STARD9: variants seen among roughly 807,000 people sequenced by gnomAD.
STARD9 encodes StAR related lipid transfer domain containing 9.
Under a neutral mutation model 399.8 loss-of-function variants are expected in STARD9, and 346 were observed. That is an observed-to-expected ratio of 0.87 (90% confidence interval 0.79 to 0.95). STARD9 has a LOEUF of 0.95. STARD9 is among the 40% of genes least tolerant of loss of function. The pLI, the probability that STARD9 is intolerant of heterozygous loss-of-function variation, is 0.00. For synonymous variants in STARD9, 2,203 were observed against 2,143.5 expected (o/e 1.03, Z -0.77); for missense variants, 5,832 against 5,667.5 (o/e 1.03, Z -0.93).
chr15:42,690,186 A>G lies in STARD9; in HGVS notation c.8608A>G (p.Thr2870Ala). 6.5e-7 allele frequency: 1 copy of G among 1,537,802 alleles called. No homozygotes were observed. The highest frequency in any genetic ancestry group is 1.4e-5 in the African/African-American group (1 of 73,174). The change falls in exon 23 of 33, where the codon ACA becomes GCA. Residue 2870 changes from threonine to alanine, a missense_variant. Physicochemically the swap from Thr to Ala is moderately conservative, Grantham distance 58. This residue lies in a region of STARD9 where 5,828 missense variants were observed against 5,651.1 expected (regional missense o/e 1.03). Transcript: ENST00000290607. ...GACAAGGGTTGCACTGGAAGCTCCC[A>G]CACAGCAGTGTGTGCAGTGTAAGGA... ...ALTRVALEAP[T>A]QQCVQCKESV...
At chr15:42,718,231 G>T in intron 30 of STARD9, 52 bp downstream of exon 30, 1 of 1,492,764 alleles carries the variant, frequency 6.7e-7, no homozygotes, top group Non-Finnish European at 9.0e-7. Flanking sequence ...GGTGTGCCCA[G>T]TGGGGTCTTG....
chr15:42,711,215 C>G (rs2061213910), intron 26 of STARD9, among the ~76,000 whole-genome samples: 1 of 151,742 alleles, frequency 6.6e-6, no homozygotes, highest in South Asian at 2.1e-4. Flanking sequence ...TCTCGGCTCA[C>G]TGCAACCTCT....
At chr15:42,679,494 C>T (rs1226676577) in intron 20 of STARD9, among the ~76,000 whole-genome samples, 1 of 152,192 alleles carries the variant, frequency 6.6e-6, no homozygotes, top group Admixed American at 6.5e-5. Flanking sequence ...GACCTCATAG[C>T]CTTCTTCCCT....
chr15:42,650,516 C>G (rs2059739468), intron 7 of STARD9, among the ~76,000 whole-genome samples: 1 of 152,216 alleles, frequency 6.6e-6, no homozygotes, highest in Admixed American at 6.5e-5. Context: ...ATCTCCTCAT[C>G]ATGTATCATC....
intron 20 of STARD9, among the ~76,000 whole-genome samples, chr15:42,677,557 A>G (rs2140180320): frequency 6.6e-6 from 1 of 152,306 alleles, no homozygotes; most frequent in East Asian, 1.9e-4. Flanking sequence ...AGACTCTTTG[A>G]AGATCTGTTT....
At chr15:42,656,218 G>A (rs901072656) in intron 9 of STARD9, among the ~76,000 whole-genome samples, 34 of 151,006 alleles carry the variant, frequency 2.3e-4, no homozygotes, top group African/African-American at 7.8e-4. Flanking sequence ...TTGCTGTTGC[G>A]CTCCTGTAGT....
intron 1 of STARD9, among the ~76,000 whole-genome samples, chr15:42,576,036 G>T (rs1330205162): frequency 6.6e-6 from 1 of 152,180 alleles, no homozygotes; most frequent in African/African-American, 2.4e-5. Flanking sequence ...GAGGGACGGC[G>T]GCTCGAGGCT....
At chr15:42,663,212 ATTGTT>A in intron 11 of STARD9, 64 bp from the exon 12 acceptor site, 1 of 1,346,410 alleles carries the variant, frequency 7.4e-7, no homozygotes, top group African/African-American at 1.5e-5. Flanking sequence ...TTCTCCAACC[ATTGTT>A]TTGTTTTAAT....
chr15:42,719,527 C>T lies in STARD9; in HGVS notation c.14056C>T (p.Arg4686Trp), dbSNP rs939420701. The T allele has an allele frequency of 4.6e-5, 71 of 1,537,192 alleles. No homozygotes were observed. The highest frequency in any genetic ancestry group is 5.8e-5 in the Non-Finnish European group (67 of 1,146,854). ...TCAGCTCCTGAGCTCTTTCATCAAA[C>T]GGCAGCCACTGGTTATAGCCAGACT... ...PPQLLSSFIK[R>W]QPLVIARLAS... The change falls in exon 33 of 33, where the codon CGG (arginine) becomes TGG (tryptophan). Residue 4686 changes from arginine (R) to tryptophan (W), a missense_variant. Physicochemically the swap from Arg to Trp is moderately radical, Grantham distance 101. Around this residue, in one of 2 missense-constraint regions of STARD9, gnomAD observed 5,828 missense variants for 5,651.1 expected, o/e 1.03. Coordinates refer to ENST00000290607, the MANE Select transcript of STARD9 (RefSeq NM_020759.3).
At chr15:42,656,168 C>A (rs2059864855) in intron 9 of STARD9, among the ~76,000 whole-genome samples, 1 of 151,564 alleles carries the variant, frequency 6.6e-6, no homozygotes, top group Non-Finnish European at 1.5e-5. Flanking sequence ...CCAGCCTGGC[C>A]CACATGGCGA....
At chr15:42,636,618 A>G (rs2059422236) in intron 4 of STARD9, among the ~76,000 whole-genome samples, 2 of 152,098 alleles carry the variant, frequency 1.3e-5, no homozygotes, top group Admixed American at 1.3e-4. Context: ...CTCTAAAAGT[A>G]TATATGTCCT....
chr15:42,689,686 A>AG lies in STARD9; in HGVS notation c.8109dup (p.Lys2704GlufsTer13). 1 of 1,537,858 alleles carries AG rather than the reference A, an allele frequency of 6.5e-7. No homozygotes were observed. Among genetic ancestry groups the AG allele is most frequent in the African/African-American group, 1.4e-5 (1 of 73,164 alleles). On this transcript the variant is annotated frameshift_variant, in exon 23 of 33. Coordinates refer to ENST00000290607, the MANE Select transcript of STARD9 (RefSeq NM_020759.3). LOFTEE classifies it high-confidence loss of function. Reference sequence around the variant, plus strand: ...CACTCTAGTTCTTCTGAAATCATAGAGAAAAAGAAAGATGCAACCAGAACA... The same window carrying AG: ...CACTCTAGTTCTTCTGAAATCATAGAGGAAAAAGAAAGATGCAACCAGAACA...
At chr15:42,716,805 T>C in intron 27 of STARD9, 41 bp downstream of exon 27, 1 of 1,520,210 alleles carries the variant, frequency 6.6e-7, no homozygotes, top group Non-Finnish European at 8.8e-7. Context: ...GCTGCCTGGT[T>C]TGGGGACTTG....
At position 42,662,886 on chromosome 15, in the gene STARD9, C is replaced by T; in HGVS notation, c.863C>T (p.Thr288Ile). ...GTGACTCTAGGAATTGTCATCTCCACCTTAGGTATTTTCTGATAGATAATG... is the reference window on the plus strand; with the variant it reads ...GTGACTCTAGGAATTGTCATCTCCATCTTAGGTATTTTCTGATAGATAATG... ...SLVTLGIVIS[T>I]LAQNSQVFSS... Residue 288 changes from threonine (T) to isoleucine (I), a missense_variant, in exon 11 of 33, where the codon ACC becomes ATC. Thr to Ile is a moderately conservative substitution (Grantham distance 89). Transcript: ENST00000290607. The T allele has an allele frequency of 6.5e-7, 1 of 1,533,588 alleles. No individual in the cohort carries two copies. Among genetic ancestry groups the T allele is most frequent in the Non-Finnish European group, 8.7e-7 (1 of 1,143,610 alleles). 95.0% of individuals were successfully genotyped at this position (1,533,588 alleles called of 1,614,324 possible).
chr15:42,623,627 T>G (rs2059136122), intron 3 of STARD9, among the ~76,000 whole-genome samples: 2 of 152,234 alleles, frequency 1.3e-5, no homozygotes, highest in African/African-American at 4.8e-5. Context: ...TTCCGTTGGG[T>G]ATGGCATAGA....
chr15:42,618,560 A>G lies in STARD9; in HGVS notation c.235-16296A>G, dbSNP rs543436688. Among the ~76,000 whole-genome samples, 6 of 152,166 alleles carry G rather than the reference A, an allele frequency of 3.9e-5. No individual in the cohort carries two copies. The East Asian group carries it at 1.2e-3, about 29-fold the overall frequency. On this transcript the variant is annotated intron_variant, in intron 3 of 32. Transcript: ENST00000290607. ...ATGCATGAATGTCCTCTTCTAATTT[A>G]AAAAATACTTGAAAAAAAAGTTGTC...
In STARD9 at chr15:42,694,704, A is replaced by T. The variant is rs1238088060; in HGVS notation, c.12941A>T (p.Lys4314Met). 1 of 1,537,068 alleles carries T rather than the reference A, an allele frequency of 6.5e-7. No individual in the cohort carries two copies. Among genetic ancestry groups the T allele is most frequent in the Non-Finnish European group, 8.7e-7 (1 of 1,146,902 alleles). Residue 4314 changes from lysine to methionine, a missense_variant, in exon 24 of 33, where the codon AAG becomes ATG. Lys to Met is a moderately conservative substitution (Grantham distance 95). Coordinates refer to ENST00000290607, the MANE Select transcript of STARD9 (RefSeq NM_020759.3). ...CGAGAATACCTGCAGCAACTGAGGA[A>T]GGATGTTGTGGAGACCACCAGGTAG... is the stretch of plus-strand genomic sequence containing the variant. ...RRREYLQQLR[K>M]DVVETTRSPE...
At chr15:42,602,514 A>G (rs989219159) in intron 3 of STARD9, among the ~76,000 whole-genome samples, 2 of 152,244 alleles carry the variant, frequency 1.3e-5, no homozygotes, top group Non-Finnish European at 2.9e-5. Flanking sequence ...GAGCAGGCTG[A>G]GCACTGACTC....
At chr15:42,717,135 G>A in intron 28 of STARD9, 87 bp downstream of exon 28, 1 of 1,442,458 alleles carries the variant, frequency 6.9e-7, no homozygotes, top group Non-Finnish European at 9.3e-7. Flanking sequence ...AAAAAAGCTG[G>A]GCAGATGAGG....
Sources: gnomAD v4.1 joint callset for allele counts (sites outside exome capture counted in the v4.1 genomes callset) on GRCh38, gnomAD v4.1.1 for gene constraint, gnomAD v4.1.1 regional missense constraint, MANE v1.5 for transcripts, NCBI Gene and HGNC (gene_info 2026-07-23, HGNC 2026-07-21) for gene names.